Variants in COL22A1 observed in about 807,000 individuals in gnomAD.
COL22A1 encodes the protein collagen alpha-1(XXII) chain.
In COL22A1, 221 loss-of-function variants were observed where a neutral mutation model predicts 248.9. The observed-to-expected ratio is 0.89, with a 90% CI of 0.80 to 0.99. The LOEUF is 0.99. Among genes scored for constraint, COL22A1 ranks in the 50% least tolerant of loss-of-function variants. The pLI is 0.00. For synonymous variants in COL22A1, 891 were observed against 793.4 expected, an observed-to-expected ratio of 1.12 and a Z score of -2.07; for missense variants, 2,240 against 2,179.0, an observed-to-expected ratio of 1.03 and a Z score of -0.56.
intron 12 of COL22A1, among the ~76,000 whole-genome samples, chr8:138,782,157 C>A (rs1254039141): frequency 1.3e-5 from 2 of 152,224 alleles, no homozygotes; most frequent in Non-Finnish European, 2.9e-5. Context: ...GACTGACAGA[C>A]AAATGTCTCT....
At chr8:138,904,544 G>A (rs76025422) in intron 1 of COL22A1, among the ~76,000 whole-genome samples, 2,325 of 152,180 alleles carry the variant, frequency 0.015, 26 homozygotes, top group Non-Finnish European at 0.019. Flanking sequence ...TTCTTCAAAC[G>A]TGGTAGAGCT....
intron 46 of COL22A1, among the ~76,000 whole-genome samples, chr8:138,647,497 T>C (rs1822307285): frequency 2.0e-5 from 3 of 152,358 alleles, no homozygotes; most frequent in Admixed American, 1.3e-4. Context: ...GTCTGAATTA[T>C]GTAGGATCTC....
chr8:138,673,652 C>T (rs1029664739), intron 41 of COL22A1, among the ~76,000 whole-genome samples: 2 of 152,122 alleles, frequency 1.3e-5, no homozygotes, highest in African/African-American at 4.8e-5. Flanking sequence ...TTGTGGGAAG[C>T]GGGTCTGTAT....
intron 1 of COL22A1, among the ~76,000 whole-genome samples, chr8:138,893,618 T>G (rs1322058665): frequency 6.6e-6 from 1 of 152,206 alleles, no homozygotes; most frequent in African/African-American, 2.4e-5. Context: ...TTTTATAAAG[T>G]AAAAGATTTC....
intron 43 of COL22A1, among the ~76,000 whole-genome samples, chr8:138,660,989 C>T (rs1239230459): frequency 7.0e-6 from 1 of 143,598 alleles, no homozygotes; most frequent in African/African-American, 2.6e-5. Flanking sequence ...CACACACATA[C>T]ACACATACAC....
rs756952149 is a variant in COL22A1 at position 138,751,465 on chromosome 8, C to T, written c.2078G>A (p.Gly693Asp). 2 of 1,610,916 alleles carry T rather than the reference C, an allele frequency of 1.2e-6. No homozygotes were observed. The highest frequency in any genetic ancestry group is 1.7e-6 in the Non-Finnish European group (2 of 1,178,280). ...AAAAGAGAGTTTACTTACTCGGAGACCTTGCAAACCAGGAGGTCCATCCCT... is the reference window on the plus strand; with the variant it reads ...AAAAGAGAGTTTACTTACTCGGAGATCTTGCAAACCAGGAGGTCCATCCCT... ...EGRDGPPGLQGLRGKKGDMGP... is the reference protein window; with the variant it reads ...EGRDGPPGLQDLRGKKGDMGP... Residue 693 changes from glycine (G) to aspartate (D), a missense_variant, in exon 22 of 65, where the codon GGT (glycine) becomes GAT (aspartate). Transcript: ENST00000303045.
At chr8:138,784,738 G>A (rs910318521) in intron 12 of COL22A1, among the ~76,000 whole-genome samples, 11 of 152,004 alleles carry the variant, frequency 7.2e-5, no homozygotes, top group South Asian at 2.1e-4. Context: ...TGCATTCAAC[G>A]CCTCCCCACA....
At chr8:138,823,018 C>T (rs1354257909) in intron 6 of COL22A1, among the ~76,000 whole-genome samples, 1 of 152,160 alleles carries the variant, frequency 6.6e-6, no homozygotes, top group Non-Finnish European at 1.5e-5. Context: ...CTACAGCACT[C>T]GTCAAAAATG....
intron 16 of COL22A1, among the ~76,000 whole-genome samples, chr8:138,764,607 T>A (rs796726186): frequency 3.3e-5 from 5 of 152,378 alleles, no homozygotes; most frequent in African/African-American, 1.2e-4. Flanking sequence ...TTTCAGAAAT[T>A]ATTTTAAAAT....
intron 16 of COL22A1, among the ~76,000 whole-genome samples, chr8:138,774,244 G>A (rs560628800): frequency 3.9e-4 from 59 of 152,124 alleles, no homozygotes; most frequent in Non-Finnish European, 7.1e-4. Context: ...GCCAGTCCCC[G>A]CCTCCCTGAA....
intron 11 of COL22A1, among the ~76,000 whole-genome samples, chr8:138,800,598 C>T (rs1169387406): frequency 6.6e-6 from 1 of 152,182 alleles, no homozygotes; most frequent in African/African-American, 2.4e-5. Flanking sequence ...CTGCCTGATG[C>T]TAGTGCTGCT....
chr8:138,712,210 C>T (rs1829026195), intron 30 of COL22A1, among the ~76,000 whole-genome samples: 1 of 152,198 alleles, frequency 6.6e-6, no homozygotes, highest in Non-Finnish European at 1.5e-5. Context: ...GAAGATGCCA[C>T]ACAGCAGATA....
At chr8:138,650,418 C>T (rs1564143924) in intron 45 of COL22A1, among the ~76,000 whole-genome samples, 2 of 152,254 alleles carry the variant, frequency 1.3e-5, no homozygotes, top group South Asian at 2.1e-4. Flanking sequence ...TATTGCTCCT[C>T]GAGTAAATTT....
chr8:138,784,140 A>G (rs1388262044), intron 12 of COL22A1, among the ~76,000 whole-genome samples: 1 of 152,236 alleles, frequency 6.6e-6, no homozygotes, highest in African/African-American at 2.4e-5. Flanking sequence ...TAGGGTTAAA[A>G]GAGGAAACAC....
intron 12 of COL22A1, among the ~76,000 whole-genome samples, chr8:138,790,226 C>CTTT (rs1681785374): frequency 6.6e-6 from 1 of 152,172 alleles, no homozygotes. Context: ...AGATGGCTGT[C>CTTT]TTTTCACGGT....
At chr8:138,689,909 C>A (rs1250501776) in intron 36 of COL22A1, among the ~76,000 whole-genome samples, 3 of 152,106 alleles carry the variant, frequency 2.0e-5, no homozygotes, top group Non-Finnish European at 4.4e-5. Flanking sequence ...CGTGGCTCAA[C>A]AACATACTCT....
chr8:138,631,952 G>A (rs1218260222), intron 49 of COL22A1, among the ~76,000 whole-genome samples: 3 of 152,082 alleles, frequency 2.0e-5, no homozygotes, highest in African/African-American at 7.2e-5. Flanking sequence ...CAGTACCTGG[G>A]ATATAGTAAA....
chr8:138,905,067 T>C (rs1301395062), intron 1 of COL22A1, among the ~76,000 whole-genome samples: 2 of 152,224 alleles, frequency 1.3e-5, no homozygotes, highest in East Asian at 1.9e-4. Context: ...TAAAAATACA[T>C]ATCAACAGAT....
intron 21 of COL22A1, among the ~76,000 whole-genome samples, chr8:138,754,018 A>T (rs960022446): frequency 6.6e-6 from 1 of 152,208 alleles, no homozygotes; most frequent in African/African-American, 2.4e-5. Flanking sequence ...GCTTCTCAAG[A>T]GCTATGTGAC....
Sources: allele counts gnomAD v4.1 joint callset (sites outside exome capture counted in the v4.1 genomes callset), GRCh38; gene constraint gnomAD v4.1.1; transcripts MANE v1.5; gene names NCBI Gene and HGNC (gene_info 2026-07-23, HGNC 2026-07-21).